The following AQP9 variants were observed in gnomAD, a reference collection of about 807,000 sequenced individuals.
The protein encoded by AQP9 is aquaporin 9.
In AQP9, 19 loss-of-function variants were observed where a neutral mutation model predicts 23.8. That is an observed-to-expected ratio of 0.80 (90% CI 0.56 to 1.17). The LOEUF (loss-of-function observed/expected upper bound fraction) is 1.17. AQP9 is among the 50% of genes most tolerant of loss of function. The probability of loss-of-function intolerance (pLI) is 0.00; values close to 1 mark genes in which losing one functional copy is unlikely to be tolerated. For missense variants in AQP9, 413 were observed against 362.0 expected (o/e 1.14, Z -1.14); for synonymous variants, 153 against 131.5 (o/e 1.16, Z -1.12).
chr15:58,145,048 A>G (rs1010343834), intron 1 of AQP9, among the ~76,000 whole-genome samples: 1 of 151,498 alleles, frequency 6.6e-6, no homozygotes, highest in Non-Finnish European at 1.5e-5. Flanking sequence ...AAAGAAAAAA[A>G]CTCTACTATA....
At chr15:58,171,964 A>G (rs1384253664) in intron 2 of AQP9, among the ~76,000 whole-genome samples, 2 of 152,218 alleles carry the variant, frequency 1.3e-5, no homozygotes, top group African/African-American at 4.8e-5. Context: ...AAAAAATGTC[A>G]TCTGTATTCC....
intron 1 of AQP9, among the ~76,000 whole-genome samples, chr15:58,158,347 C>A (rs1239075954): frequency 6.6e-6 from 1 of 152,288 alleles, no homozygotes; most frequent in African/African-American, 2.4e-5. Context: ...GACCTGTGAT[C>A]AAATCCTGGT....
chr15:58,139,069 AAT>A (rs1897909167), intron 1 of AQP9, among the ~76,000 whole-genome samples: 1 of 152,234 alleles, frequency 6.6e-6, no homozygotes, highest in Non-Finnish European at 1.5e-5. Context: ...AATAAGCATC[AAT>A]AGTCAATAAA....
chr15:58,154,903 A>T (rs925365031), intron 1 of AQP9: 1 of 152,454 alleles, frequency 6.6e-6, no homozygotes, highest in African/African-American at 2.4e-5. Context: ...TACATGGACT[A>T]TAACCATGAC....
At chr15:58,164,614 G>T (rs1898459248) in intron 1 of AQP9, among the ~76,000 whole-genome samples, 1 of 152,140 alleles carries the variant, frequency 6.6e-6, no homozygotes, top group Non-Finnish European at 1.5e-5. Context: ...AAAAGAGAAA[G>T]GGGACATGTT....
In AQP9 at chr15:58,184,139, C is replaced by T. The variant is rs1343867460; in HGVS notation, c.*4C>T. 1.2e-6 allele frequency: 2 copies of T among 1,612,968 alleles called. No homozygotes were observed. The highest frequency in any genetic ancestry group is 2.7e-5 in the African/African-American group (2 of 74,910). On this transcript the variant is annotated 3_prime_UTR_variant, in exon 6 of 6. Coordinates refer to ENST00000219919, the MANE Select transcript of AQP9 (RefSeq NM_020980.5). ...TGAACTCAGTGTCATCATGTAGTGGCATGCTCAGCTCTGGATTTGCAGTCA... is the reference window on the plus strand; with the variant it reads ...TGAACTCAGTGTCATCATGTAGTGGTATGCTCAGCTCTGGATTTGCAGTCA...
intron 1 of AQP9, among the ~76,000 whole-genome samples, chr15:58,143,330 C>T (rs537323978): frequency 5.9e-5 from 9 of 152,206 alleles, no homozygotes; most frequent in Middle Eastern, 6.8e-3. Flanking sequence ...AATATGATGA[C>T]GAGGACAAGA....
intron 1 of AQP9, among the ~76,000 whole-genome samples, chr15:58,163,461 A>G (rs1203145362): frequency 6.6e-6 from 1 of 152,216 alleles, no homozygotes; most frequent in Non-Finnish European, 1.5e-5. Flanking sequence ...GTTAATATGG[A>G]AAGGAACCCA....
rs74016589 is a variant in AQP9 at position 58,184,333 on chromosome 15, C to T, written c.*198C>T. The T allele has an allele frequency of 3.6e-3, 2,016 of 553,216 alleles. 32 individuals carry two copies. The highest frequency in any genetic ancestry group is 0.034 in the African/African-American group (1,797 of 52,338). The allele number at this position is 553,216 out of a possible 1,614,324, so 34.3% of individuals were successfully genotyped here. On this transcript the variant is annotated 3_prime_UTR_variant, in exon 6 of 6. Transcript: ENST00000219919. ...CTTCTCTACCATTGTCCCCCACCCC[C>T]ACCCCCCAGAATAACGCTGACTGTC...
chr15:58,177,615 G>A (rs1384803227), intron 4 of AQP9, among the ~76,000 whole-genome samples: 2 of 152,180 alleles, frequency 1.3e-5, no homozygotes, highest in African/African-American at 4.8e-5. Context: ...TTACAAGTTT[G>A]ACATTGGACA....
intron 1 of AQP9, among the ~76,000 whole-genome samples, chr15:58,156,477 C>T (rs1195343991): frequency 6.6e-6 from 1 of 152,118 alleles, no homozygotes; most frequent in Non-Finnish European, 1.5e-5. Flanking sequence ...GAATATCAAC[C>T]CATACTAAAA....
intron 3 of AQP9, 125 bp from the exon 4 acceptor site, chr15:58,174,793 G>C: frequency 4.0e-6 from 3 of 758,770 alleles, no homozygotes; most frequent in South Asian, 1.6e-5. Flanking sequence ...GAAGTAGAGA[G>C]AGACAAATGA....
Position 58,179,360 on chromosome 15 carries a change from T to C in AQP9, c.713+15T>C, listed in dbSNP as rs774646594. ...GAAGTCTTCAGGTAAGTAACAGTGG[T>C]GGGGAAGAGAGAGACAGAGTCATGC... On this transcript the variant is annotated intron_variant, in intron 5 of 5. Coordinates refer to ENST00000219919, the MANE Select transcript of AQP9 (RefSeq NM_020980.5). The C allele has an allele frequency of 3.1e-5, 50 of 1,598,448 alleles. 1 individual carries two copies. The South Asian group carries it at 5.1e-4, about 16-fold the overall frequency.
intron 1 of AQP9, among the ~76,000 whole-genome samples, chr15:58,159,786 C>G (rs1299876514): frequency 6.6e-6 from 1 of 152,160 alleles, no homozygotes; most frequent in African/African-American, 2.4e-5. Flanking sequence ...GCTTATTTCA[C>G]TTAACATAAT....
At chr15:58,174,244 T>A (rs1898689392) in intron 3 of AQP9, among the ~76,000 whole-genome samples, 1 of 151,204 alleles carries the variant, frequency 6.6e-6, no homozygotes, top group Non-Finnish European at 1.5e-5. Context: ...GATCATGCCA[T>A]TGCACTCCAG....
At chr15:58,163,227 C>G (rs1176993406) in intron 1 of AQP9, among the ~76,000 whole-genome samples, 1 of 152,204 alleles carries the variant, frequency 6.6e-6, no homozygotes, top group Non-Finnish European at 1.5e-5. Flanking sequence ...TTGTCATTCC[C>G]TCCATCTCCT....
chr15:58,156,042 G>A (rs1423208261), intron 1 of AQP9: 1 of 152,062 alleles, frequency 6.6e-6, no homozygotes, highest in Non-Finnish European at 1.5e-5. Flanking sequence ...CGCCCTAATT[G>A]AAAACAAATT....
intron 2 of AQP9, among the ~76,000 whole-genome samples, chr15:58,170,665 A>G (rs58665749): frequency 0.029 from 4,364 of 152,178 alleles, 130 homozygotes; most frequent in African/African-American, 0.071. Flanking sequence ...GGCCTCCCAA[A>G]GTGCTGAGAT....
rs7182601 is a variant in AQP9 at position 58,180,786 on chromosome 15, T to C, written c.713+1441T>C. Among the ~76,000 whole-genome samples, 721 of 152,314 alleles carry C rather than the reference T, an allele frequency of 4.7e-3. 7 individuals carry two copies. The highest frequency in any genetic ancestry group is 0.015 in the African/African-American group (631 of 41,576). On this transcript the variant is annotated intron_variant, in intron 5 of 5. Transcript: ENST00000219919. ...AGGAATGCTGTTAAGCATCCTACAATGCACACGGCACACCTCCCACAACAA... is the reference window on the plus strand; with the variant it reads ...AGGAATGCTGTTAAGCATCCTACAACGCACACGGCACACCTCCCACAACAA...
Sources: allele counts gnomAD v4.1 joint callset (sites outside exome capture counted in the v4.1 genomes callset), GRCh38; gene constraint gnomAD v4.1.1; transcripts MANE v1.5; gene names NCBI Gene and HGNC (gene_info 2026-07-23, HGNC 2026-07-21).